Variants in FRMD4B observed in about 807,000 individuals in gnomAD.
The protein encoded by FRMD4B is FERM domain containing 4B.
In FRMD4B, 74 loss-of-function variants were observed where a neutral mutation model predicts 141.5. The observed-to-expected ratio is 0.52, with a 90% CI of 0.43 to 0.63. The LOEUF (loss-of-function observed/expected upper bound fraction) is 0.63, where lower values mean the gene tolerates loss of function less well. Ranked by LOEUF, FRMD4B falls within the 30% of genes least tolerant of loss-of-function variation. The pLI is 0.00. For synonymous variants in FRMD4B, 506 were observed against 467.9 expected, an observed-to-expected ratio of 1.08 and a Z score of -1.05; for missense variants, 1,366 against 1,253.4, an observed-to-expected ratio of 1.09 and a Z score of -1.36.
chr3:69,341,227 C>G lies in FRMD4B; in HGVS notation c.163-27710G>C, dbSNP rs529342217. On this transcript the variant is annotated intron_variant, in intron 1 of 22. Coordinates refer to ENST00000398540, the MANE Select transcript of FRMD4B (RefSeq NM_015123.3). ...CTCAAGGTGGGCACTTGGAGATGTA[C>G]AGTTACCACGAACAACCTCCTATTC... 3.2e-4 allele frequency among the ~76,000 whole-genome samples: 49 copies of G among 152,254 alleles called. 1 individual carries two copies. Among genetic ancestry groups the G allele is most frequent in the African/African-American group, 1.1e-3 (46 of 41,536 alleles).
chr3:69,282,668 T>G (rs890588055), intron 5 of FRMD4B, among the ~76,000 whole-genome samples: 2 of 152,196 alleles, frequency 1.3e-5, no homozygotes, highest in African/African-American at 4.8e-5. Flanking sequence ...AGATGGAGTC[T>G]CATTCTGTTG....
intron 3 of FRMD4B, among the ~76,000 whole-genome samples, chr3:69,308,276 T>C (rs1264391700): frequency 6.6e-6 from 1 of 152,196 alleles, no homozygotes; most frequent in African/African-American, 2.4e-5. Flanking sequence ...TGTTATTATG[T>C]CCAGCGTACA....
chr3:69,225,561 G>A (rs1216523747), intron 7 of FRMD4B, among the ~76,000 whole-genome samples: 1 of 148,320 alleles, frequency 6.7e-6, no homozygotes, highest in Non-Finnish European at 1.5e-5. Context: ...CAGGTTTGGT[G>A]GTGGGTGCCT....
intron 1 of FRMD4B, among the ~76,000 whole-genome samples, chr3:69,468,386 C>T (rs988387971): frequency 6.6e-6 from 1 of 152,002 alleles, no homozygotes; most frequent in African/African-American, 2.4e-5. Flanking sequence ...CACTCATTTC[C>T]CAAATATTCC....
chr3:69,345,406 G>A (rs1462057706), intron 1 of FRMD4B, among the ~76,000 whole-genome samples: 1 of 152,192 alleles, frequency 6.6e-6, no homozygotes, highest in Non-Finnish European at 1.5e-5. Flanking sequence ...CTCCATCTCT[G>A]GGGGCAGGGC....
rs555317615 is a variant in FRMD4B, at chr3:69,503,807, G to T, written c.-129+38399C>A. On this transcript the variant is annotated intron_variant, in intron 1 of 5. Transcript: ENST00000459638. ...CTAAACAGTTAGTATTTGTTACCGG[G>T]CAGACCATCCCACTGCACTACCTTG... is the stretch of plus-strand genomic sequence containing the variant. 4.2e-4 allele frequency among the ~76,000 whole-genome samples: 64 copies of T among 152,202 alleles called. 1 individual carries two copies. The East Asian group carries it at 0.012, about 28-fold the overall frequency.
chr3:69,365,352 A>T (rs1397112540), intron 1 of FRMD4B, among the ~76,000 whole-genome samples: 1 of 152,222 alleles, frequency 6.6e-6, no homozygotes, highest in Non-Finnish European at 1.5e-5. Flanking sequence ...AGTTATGGAA[A>T]TTGGACATCT....
intron 1 of FRMD4B, among the ~76,000 whole-genome samples, chr3:69,348,149 A>T (rs1007180727): frequency 3.3e-5 from 5 of 152,206 alleles, no homozygotes; most frequent in African/African-American, 1.2e-4. Context: ...GATAAAGGGG[A>T]TATCACCATC....
chr3:69,381,347 G>A (rs1259448616), intron 1 of FRMD4B, among the ~76,000 whole-genome samples: 4 of 152,116 alleles, frequency 2.6e-5, no homozygotes, highest in African/African-American at 9.7e-5. Flanking sequence ...TGAATAGGTG[G>A]GAGATCTTGT....
chr3:69,259,235 T>C (rs2093511383), intron 5 of FRMD4B, among the ~76,000 whole-genome samples: 1 of 152,180 alleles, frequency 6.6e-6, no homozygotes, highest in African/African-American at 2.4e-5. Context: ...ATAGGGTTTA[T>C]GCCCCTACGA....
intron 1 of FRMD4B, among the ~76,000 whole-genome samples, chr3:69,465,180 C>G (rs1487310764): frequency 6.6e-6 from 1 of 151,988 alleles, no homozygotes; most frequent in Non-Finnish European, 1.5e-5. Context: ...ATTAGCCTGG[C>G]GCCGTGGCAG....
At chr3:69,415,327 G>GAGTCACA (rs1241669783) in intron 2 of FRMD4B, among the ~76,000 whole-genome samples, 1 of 149,526 alleles carries the variant, frequency 6.7e-6, no homozygotes, top group Non-Finnish European at 1.5e-5. Context: ...AAAGGATGCA[G>GAGTCACA]AGTCACAAGA....
rs539726762 is a variant in FRMD4B, at chr3:69,420,204, G to A, written c.-1+12430C>T. On this transcript the variant is annotated intron_variant, in intron 2 of 5. Transcript: ENST00000459638. ...GGGGTTGATAAGCAAAATAATCCCTGGGAAAAATCTCAGAAGGGGCGTGGC... is the reference window on the plus strand; with the variant it reads ...GGGGTTGATAAGCAAAATAATCCCTAGGAAAAATCTCAGAAGGGGCGTGGC... 4.0e-5 allele frequency among the ~76,000 whole-genome samples: 6 copies of A among 149,410 alleles called. No homozygotes were observed. The East Asian group carries it at 1.2e-3, about 30-fold the overall frequency.
chr3:69,467,025 C>A (rs1705802072), intron 1 of FRMD4B, among the ~76,000 whole-genome samples: 1 of 152,072 alleles, frequency 6.6e-6, no homozygotes, highest in Non-Finnish European at 1.5e-5. Flanking sequence ...AAAATAAAAC[C>A]TTAATTAGAA....
intron 4 of FRMD4B, 26 bp from the exon 5 acceptor site, chr3:69,287,862 C>A: frequency 8.7e-7 from 1 of 1,151,002 alleles, no homozygotes; most frequent in South Asian, 1.4e-5. Context: ...GGAGTTTGTT[C>A]CTTCAGATTT....
chr3:69,261,431 A>G (rs6549191), intron 5 of FRMD4B, among the ~76,000 whole-genome samples: 146,139 of 152,290 alleles, frequency 0.96, 70,406 homozygotes, highest in East Asian at 1. Context: ...TATTTAACTT[A>G]TAACCAATGT....
intron 2 of FRMD4B, among the ~76,000 whole-genome samples, chr3:69,394,654 A>G (rs1003212185): frequency 2.6e-5 from 4 of 152,344 alleles, no homozygotes; most frequent in African/African-American, 9.6e-5. Flanking sequence ...TGACCCAGCA[A>G]TCCCATTACT....
chr3:69,292,615 C>T (rs886368527), intron 4 of FRMD4B, among the ~76,000 whole-genome samples: 2 of 152,194 alleles, frequency 1.3e-5, no homozygotes, highest in East Asian at 1.9e-4. Flanking sequence ...CTTTCTGAAT[C>T]CACAATTCCA....
At position 69,176,532 on chromosome 3, in the gene FRMD4B, A is replaced by C. The variant is rs1206003347; in HGVS notation, c.2976T>G (p.Ser992=). The C allele has an allele frequency of 6.2e-7, 1 of 1,611,254 alleles. No homozygotes were observed. The highest frequency in any genetic ancestry group is 1.1e-5 in the South Asian group (1 of 90,880). The change falls in exon 22 of 23, where the codon TCT becomes TCG. Residue 992 remains serine, a synonymous_variant. Transcript: ENST00000398540. Reference sequence around the variant, plus strand: ...GAGCATTGCTTCCTCACCTGCTTGGAGAGGGTAAAGGATTATAGACATTGC... The same window carrying C: ...GAGCATTGCTTCCTCACCTGCTTGGCGAGGGTAAAGGATTATAGACATTGC... ...CYGNVYNPLP[S]PSRQYTEISQ...
Sources: allele counts gnomAD v4.1 joint callset (sites outside exome capture counted in the v4.1 genomes callset), GRCh38; gene constraint gnomAD v4.1.1; transcripts MANE v1.5; gene names NCBI Gene and HGNC (gene_info 2026-07-23, HGNC 2026-07-21).